NUDT5: variants seen among roughly 807,000 people sequenced by gnomAD.
NUDT5 encodes nudix hydrolase 5, also known as ADP-sugar pyrophosphatase.
In NUDT5, 21 loss-of-function variants were observed where a neutral mutation model predicts 34.1. The ratio of observed to expected loss-of-function variants is 0.62; its 90% CI spans 0.44 to 0.89. NUDT5 has a LOEUF of 0.89. Ranked by LOEUF, NUDT5 falls within the 40% of genes least tolerant of loss-of-function variation. The pLI is 0.00. For synonymous variants in NUDT5, 85 were observed against 97.6 expected (o/e 0.87, Z 0.76); for missense variants, 249 against 274.8 (o/e 0.91, Z 0.66).
chr10:12,173,637 G>T lies in NUDT5; in HGVS notation c.385+81C>A. On this transcript the variant is annotated intron_variant, in intron 6 of 9. Coordinates refer to ENST00000491614, the MANE Select transcript of NUDT5 (RefSeq NM_014142.4). This position sits in a 1 kb window ranked among gnomAD's most constrained non-coding sequence, Gnocchi z 4.7. ...GATTTCTTTCTCTTCAGTGAATTCT[G>T]AGCGTAAAGAACACCCAAATAATCA... 1.9e-6 allele frequency: 2 copies of T among 1,049,016 alleles called. No individual in the cohort carries two copies. The highest frequency in any genetic ancestry group is 1.3e-5 in the South Asian group (1 of 79,360). 65.0% of individuals were successfully genotyped at this position (1,049,016 alleles called of 1,614,324 possible). A position where few individuals can be genotyped will look rare whatever the true frequency, so the allele number is the denominator to read the frequency against.
rs1588654021 is a variant in NUDT5, at chr10:12,170,471, C to G, written c.550+246G>C. On this transcript the variant is annotated intron_variant, in intron 9 of 9. Transcript: ENST00000491614. This position sits in a 1 kb window ranked among gnomAD's most constrained non-coding sequence, Gnocchi z 4.9. Reference sequence around the variant, plus strand: ...CAGCAGGAATGTCATCTGGGCCATTCTGTAGGAGAAAAAGCCTCTACCAAA... The same window carrying G: ...CAGCAGGAATGTCATCTGGGCCATTGTGTAGGAGAAAAAGCCTCTACCAAA... 1 of 620,082 alleles carries G rather than the reference C, an allele frequency of 1.6e-6. No individual in the cohort carries two copies. 38.4% of individuals were successfully genotyped at this position (620,082 alleles called of 1,614,324 possible).
rs1834928809 is a variant in NUDT5, at chr10:12,175,220, T to A, written c.290-1407A>T. Among the ~76,000 whole-genome samples the A allele has an allele frequency of 6.6e-6, 1 of 152,156 alleles. No individual in the cohort carries two copies. The highest frequency in any genetic ancestry group is 2.4e-5 in the African/African-American group (1 of 41,418). On this transcript the variant is annotated intron_variant, in intron 5 of 9. Transcript: ENST00000491614. This position sits in a 1 kb window ranked among gnomAD's most constrained non-coding sequence, Gnocchi z 4.8. The stretch of plus-strand genomic sequence containing the variant: ...CCTGTATTCCAGCTACGCGGGAGGC[T>A]GAGGCAGGAGAATCGCTTGACCCTG...
Position 12,179,077 on chromosome 10 carries a change from T to G in NUDT5, c.181+6A>C. The G allele has an allele frequency of 6.2e-7, 1 of 1,613,278 alleles. No individual in the cohort carries two copies. On this transcript the variant is annotated splice_donor_region_variant and intron_variant, in intron 4 of 9. Transcript: ENST00000491614. ...CTAAAGGGTTGGAATAGGTTTGCACTCCTACCATCCGCAGTCTGCTCTTTC... is the reference window on the plus strand; with the variant it reads ...CTAAAGGGTTGGAATAGGTTTGCACGCCTACCATCCGCAGTCTGCTCTTTC...
At position 12,182,601 on chromosome 10, in the gene NUDT5, A is replaced by C. The variant is rs1198035815; in HGVS notation, c.131+2288T>G. Among the ~76,000 whole-genome samples, 1 of 152,190 alleles carries C rather than the reference A, an allele frequency of 6.6e-6. No homozygotes were observed. The highest frequency in any genetic ancestry group is 1.5e-5 in the Non-Finnish European group (1 of 68,032). On this transcript the variant is annotated intron_variant, in intron 3 of 9. Transcript: ENST00000491614. This position sits in a 1 kb window ranked among gnomAD's most constrained non-coding sequence, Gnocchi z 4.3. ...GCCTACTCCCAATCTACTGAAATAG[A>C]TATTCTGAAGTGAGATTTCGTCGTA...
At chr10:12,178,359 G>T (rs947983644) in intron 4 of NUDT5, among the ~76,000 whole-genome samples, 1 of 148,774 alleles carries the variant, frequency 6.7e-6, no homozygotes, top group African/African-American at 2.5e-5. Flanking sequence ...TAGGGTAAAA[G>T]ACCTTTCCTC....
intron 5 of NUDT5, among the ~76,000 whole-genome samples, chr10:12,177,461 G>A (rs1471420263): frequency 6.6e-6 from 1 of 152,190 alleles, no homozygotes; most frequent in Non-Finnish European, 1.5e-5. Context: ...GGAGGTTGCA[G>A]TGAGCCGAGA....
chr10:12,174,327 TG>T (rs1834914553), intron 5 of NUDT5, among the ~76,000 whole-genome samples: 1 of 150,060 alleles, frequency 6.7e-6, no homozygotes. Flanking sequence ...AGTGCAGTGG[TG>T]TGATCTTGGC....
At chr10:12,177,493 TG>T (rs1834972344) in intron 5 of NUDT5, among the ~76,000 whole-genome samples, 1 of 152,166 alleles carries the variant, frequency 6.6e-6, no homozygotes, top group African/African-American at 2.4e-5. Flanking sequence ...CACTCCAGCC[TG>T]GGTGATAGAG....
Position 12,169,452 on chromosome 10 carries a change from T to A in NUDT5, c.550+1265A>T. On this transcript the variant is annotated intron_variant, in intron 9 of 9. Coordinates refer to ENST00000491614, the MANE Select transcript of NUDT5 (RefSeq NM_014142.4). The surrounding 1 kb of genome is among the most constrained non-coding windows in gnomAD (Gnocchi z 4.8). The stretch of plus-strand genomic sequence containing the variant: ...AAGCCGAGAGAGGCTACAGAACCTG[T>A]TTGATGTGATAGCTAATTATGGTCC... 1.5e-6 allele frequency: 1 copy of A among 659,572 alleles called. No homozygotes were observed. The highest frequency in any genetic ancestry group is 2.2e-5 in the South Asian group (1 of 46,372). 40.9% of individuals were successfully genotyped at this position (659,572 alleles called of 1,614,324 possible).
chr10:12,178,470 C>A (rs1301167389), intron 4 of NUDT5, among the ~76,000 whole-genome samples: 1 of 152,348 alleles, frequency 6.6e-6, no homozygotes, highest in South Asian at 2.1e-4. Flanking sequence ...CCCACAGCTT[C>A]CTATCTGTGA....
chr10:12,191,185 C>A (rs1313097930), intron 1 of NUDT5, among the ~76,000 whole-genome samples: 4 of 151,886 alleles, frequency 2.6e-5, no homozygotes, highest in Non-Finnish European at 2.9e-5. Flanking sequence ...AGATCGAGAC[C>A]ATCCTGGCTA....
intron 4 of NUDT5, among the ~76,000 whole-genome samples, 184 bp from the exon 5 acceptor site, chr10:12,178,084 T>A (rs1407070388): frequency 6.6e-6 from 1 of 152,244 alleles, no homozygotes; most frequent in Non-Finnish European, 1.5e-5. Flanking sequence ...CCATGTTGTT[T>A]ACACTTTCTT....
chr10:12,179,037 G>A lies in NUDT5; in HGVS notation c.181+46C>T, dbSNP rs779482177. The A allele has an allele frequency of 2.6e-6, 4 of 1,514,974 alleles. No homozygotes were observed. In the South Asian group the frequency reaches 4.5e-5, roughly 17 times the overall value. The allele number at this position is 1,514,974 out of a possible 1,614,324, so 93.8% of individuals were successfully genotyped here. A position where few individuals can be genotyped will look rare whatever the true frequency, so the allele number is the denominator to read the frequency against. ...ATTGAAAACCCTCTTACGATCACAAGTGCTAACTTCCTTTCTAAAGGGTTG... is the reference window on the plus strand; with the variant it reads ...ATTGAAAACCCTCTTACGATCACAAATGCTAACTTCCTTTCTAAAGGGTTG... On this transcript the variant is annotated intron_variant, in intron 4 of 9. Coordinates refer to ENST00000491614, the MANE Select transcript of NUDT5 (RefSeq NM_014142.4).
Position 12,186,310 on chromosome 10 carries a change from A to T in NUDT5, c.-19T>A. 1.3e-6 allele frequency: 2 copies of T among 1,583,558 alleles called. No homozygotes were observed. The highest frequency in any genetic ancestry group is 1.7e-6 in the Non-Finnish European group (2 of 1,151,974). On this transcript the variant is annotated 5_prime_UTR_variant, in exon 2 of 10. Coordinates refer to ENST00000491614, the MANE Select transcript of NUDT5 (RefSeq NM_014142.4). ...TCTCCATTTTCAAACGAGTCTTTAC[A>T]GCCCTCAGGTGAGAAGTTCACCCTG...
At chr10:12,186,164 T>C in intron 2 of NUDT5, 65 bp downstream of exon 2, 1 of 1,171,624 alleles carries the variant, frequency 8.5e-7, no homozygotes, top group Non-Finnish European at 1.3e-6. Context: ...AACAACAGTC[T>C]ATATATTTCT....
chr10:12,177,738 T>A (rs565532945), intron 5 of NUDT5, 55 bp downstream of exon 5: 1,136 of 1,281,426 alleles, frequency 8.9e-4, no homozygotes, highest in Admixed American at 1.4e-3. Flanking sequence ...TTCTCAGGCT[T>A]TACCCTGGTT....
intron 1 of NUDT5, among the ~76,000 whole-genome samples, chr10:12,194,050 ATATTT>A (rs1256958779): frequency 6.6e-6 from 1 of 152,086 alleles, no homozygotes; most frequent in Non-Finnish European, 1.5e-5. Context: ...CTAATTTTTG[ATATTT>A]TAGTAGGGAC....
At chr10:12,185,025 C>A in intron 2 of NUDT5, 69 bp from the exon 3 acceptor site, 1 of 797,320 alleles carries the variant, frequency 1.3e-6, no homozygotes, top group Non-Finnish European at 2.2e-6. Context: ...AAGGGTTTTT[C>A]TTTCACATTT....
At position 12,184,963 on chromosome 10, in the gene NUDT5, G is replaced by T. The variant is rs758323557; in HGVS notation, c.64-7C>A. On this transcript the variant is annotated splice_polypyrimidine_tract_variant and splice_region_variant and intron_variant, in intron 2 of 9. Transcript: ENST00000491614. Reference sequence around the variant, plus strand: ...ATTTTCCTTCTGAAATTAACTAAAAGGATATCAGATAATAAGTTGGGAAAC... The same window carrying T: ...ATTTTCCTTCTGAAATTAACTAAAATGATATCAGATAATAAGTTGGGAAAC... 5 of 1,465,022 alleles carry T rather than the reference G, an allele frequency of 3.4e-6. No individual in the cohort carries two copies. The highest frequency in any genetic ancestry group is 1.4e-5 in the African/African-American group (1 of 71,526). 90.8% of individuals were successfully genotyped at this position (1,465,022 alleles called of 1,614,324 possible).
Sources: allele counts gnomAD v4.1 joint callset (sites outside exome capture counted in the v4.1 genomes callset), GRCh38; gene constraint gnomAD v4.1.1; non-coding constraint Gnocchi (gnomAD v3.1); transcripts MANE v1.5; gene names NCBI Gene and HGNC (gene_info 2026-07-23, HGNC 2026-07-21).